Variants in NALF1 observed in about 807,000 individuals in gnomAD.
NALF1 encodes family with sequence similarity 155 member A.
In NALF1, 3 loss-of-function variants were observed where a neutral mutation model predicts 48.4. That is an observed-to-expected ratio of 0.06 (90% CI 0.03 to 0.16). The LOEUF is 0.16. NALF1 is among the 10% of genes least tolerant of loss of function. NALF1 has a pLI of 1.00. For synonymous variants in NALF1, 262 were observed against 245.7 expected (o/e 1.07, Z -0.62); for missense variants, 526 against 571.5 (o/e 0.92, Z 0.81).
At chr13:107,602,113 C>T (rs1051810952) in intron 1 of NALF1, among the ~76,000 whole-genome samples, 1 of 152,158 alleles carries the variant, frequency 6.6e-6, no homozygotes, top group African/African-American at 2.4e-5. Flanking sequence ...GCTTTTCAAT[C>T]AGAAGATCTA....
In NALF1 at chr13:107,178,555, C is replaced by T. The variant is rs570496186; in HGVS notation, c.1088-7769G>A. 4.3e-4 allele frequency among the ~76,000 whole-genome samples: 65 copies of T among 152,274 alleles called. No individual in the cohort carries two copies. In the South Asian group the frequency reaches 0.013, roughly 32 times the overall value. On this transcript the variant is annotated intron_variant, in intron 2 of 2. Transcript: ENST00000375915. The stretch of plus-strand genomic sequence containing the variant: ...CTTTTATCCAAAACACAGGCAATAA[C>T]AAATGCTGGTGAGGTTGTGGGGAAA...
At chr13:107,826,818 T>C (rs934166306) in intron 1 of NALF1, among the ~76,000 whole-genome samples, 13 of 152,202 alleles carry the variant, frequency 8.5e-5, no homozygotes, top group Admixed American at 7.2e-4. Context: ...CGAACTCTCT[T>C]AGCCTCAGTT....
At chr13:107,469,153 A>G (rs1181763523) in intron 1 of NALF1, among the ~76,000 whole-genome samples, 1 of 152,204 alleles carries the variant, frequency 6.6e-6, no homozygotes, top group Admixed American at 6.5e-5. Context: ...AAAATCAGTC[A>G]TAAAAAAAGG....
chr13:107,247,557 A>G (rs1399114630), intron 1 of NALF1, among the ~76,000 whole-genome samples: 3 of 152,226 alleles, frequency 2.0e-5, no homozygotes, highest in Non-Finnish European at 2.9e-5. Context: ...GAGCTTTCTC[A>G]AATAGGAGGG....
chr13:107,834,764 T>C (rs1392408684), intron 1 of NALF1, among the ~76,000 whole-genome samples: 2 of 152,244 alleles, frequency 1.3e-5, no homozygotes, highest in Admixed American at 6.5e-5. Flanking sequence ...GTATGCAATT[T>C]AATTTTGAAT....
intron 2 of NALF1, among the ~76,000 whole-genome samples, chr13:107,180,403 A>G (rs1879036860): frequency 6.6e-6 from 1 of 152,086 alleles, no homozygotes; most frequent in African/African-American, 2.4e-5. Context: ...AAAACATGGC[A>G]TTATTTAAGT....
At position 107,534,334 on chromosome 13, in the gene NALF1, G is replaced by T. The variant is rs188674269; in HGVS notation, c.916-323579C>A. On this transcript the variant is annotated intron_variant, in intron 1 of 2. Transcript: ENST00000375915. Reference sequence around the variant, plus strand: ...GCTAAAATATGTTTATATTTATTTTGATGCATATTAACATTTTCCTCTAAG... The same window carrying T: ...GCTAAAATATGTTTATATTTATTTTTATGCATATTAACATTTTCCTCTAAG... 3.7e-4 allele frequency among the ~76,000 whole-genome samples: 56 copies of T among 152,126 alleles called. 1 individual carries two copies. In the Middle Eastern group the frequency reaches 0.01, roughly 28 times the overall value.
At chr13:107,637,617 G>C (rs964636140) in intron 1 of NALF1, among the ~76,000 whole-genome samples, 1 of 152,102 alleles carries the variant, frequency 6.6e-6, no homozygotes, top group Non-Finnish European at 1.5e-5. Context: ...TGACTGCCAC[G>C]TGCTAGTGTG....
chr13:107,620,345 T>G (rs952142007), intron 1 of NALF1, among the ~76,000 whole-genome samples: 1 of 152,202 alleles, frequency 6.6e-6, no homozygotes, highest in African/African-American at 2.4e-5. Context: ...AGAGATAATC[T>G]ATGCAGAGAA....
chr13:107,436,877 A>G (rs1594062337), intron 1 of NALF1, among the ~76,000 whole-genome samples: 1 of 152,230 alleles, frequency 6.6e-6, no homozygotes, highest in Admixed American at 6.6e-5. Context: ...AAGGCCAGTA[A>G]GCAAAAATCT....
chr13:107,262,802 C>A (rs1358659721), intron 1 of NALF1, among the ~76,000 whole-genome samples: 1 of 150,618 alleles, frequency 6.6e-6, no homozygotes, highest in Non-Finnish European at 1.5e-5. Context: ...CTCTCTCATT[C>A]TTAAGCAACA....
intron 1 of NALF1, among the ~76,000 whole-genome samples, chr13:107,273,034 G>A (rs961354018): frequency 4.6e-5 from 7 of 152,128 alleles, no homozygotes; most frequent in African/African-American, 9.7e-5. Flanking sequence ...AGCAGAAGCC[G>A]GAAGGTCACT....
intron 1 of NALF1, among the ~76,000 whole-genome samples, chr13:107,765,454 T>C (rs1056935933): frequency 2.6e-5 from 4 of 152,316 alleles, no homozygotes; most frequent in African/African-American, 7.2e-5. Context: ...AGTAACAGCA[T>C]ATGGAAGTGC....
At chr13:107,378,149 C>A (rs1027001229) in intron 1 of NALF1, among the ~76,000 whole-genome samples, 11 of 152,230 alleles carry the variant, frequency 7.2e-5, no homozygotes, top group African/African-American at 2.6e-4. Flanking sequence ...CCTGAAAGCT[C>A]AGAGTTACAA....
At chr13:107,455,063 G>A (rs911471862) in intron 1 of NALF1, among the ~76,000 whole-genome samples, 2 of 152,144 alleles carry the variant, frequency 1.3e-5, no homozygotes, top group African/African-American at 4.8e-5. Flanking sequence ...CTGTTTTCAT[G>A]ATAGTCAGTG....
chr13:107,370,725 G>A (rs1332010019), intron 1 of NALF1, among the ~76,000 whole-genome samples: 1 of 152,050 alleles, frequency 6.6e-6, no homozygotes, highest in Admixed American at 6.6e-5. Flanking sequence ...AACTGAGACT[G>A]GATATTTTAT....
chr13:107,666,551 A>G (rs1443275703), intron 1 of NALF1, among the ~76,000 whole-genome samples: 1 of 152,136 alleles, frequency 6.6e-6, no homozygotes, highest in Non-Finnish European at 1.5e-5. Flanking sequence ...TTAATTTTTC[A>G]GCCAGAACTG....
At position 107,170,429 on chromosome 13, in the gene NALF1, T is replaced by A; in HGVS notation, c.*68A>T. On this transcript the variant is annotated 3_prime_UTR_variant, in exon 3 of 3. Transcript: ENST00000375915. ...GAGGGTAAAAGCACCCAGTTTCTGTTACATGAGACAGCAGTTGCCATTTTT... is the reference window on the plus strand; with the variant it reads ...GAGGGTAAAAGCACCCAGTTTCTGTAACATGAGACAGCAGTTGCCATTTTT... The A allele has an allele frequency of 6.7e-7, 1 of 1,496,174 alleles. No individual in the cohort carries two copies. The highest frequency in any genetic ancestry group is 1.4e-5 in the African/African-American group (1 of 72,598). 92.7% of individuals were successfully genotyped at this position (1,496,174 alleles called of 1,614,324 possible).
intron 1 of NALF1, among the ~76,000 whole-genome samples, chr13:107,553,544 T>C (rs1483038151): frequency 2.0e-5 from 3 of 152,246 alleles, no homozygotes; most frequent in Admixed American, 1.3e-4. Flanking sequence ...TGATTTACTA[T>C]AGATTTTTAT....
Sources: gnomAD v4.1 joint callset for allele counts (sites outside exome capture counted in the v4.1 genomes callset) on GRCh38, gnomAD v4.1.1 for gene constraint, MANE v1.5 for transcripts, NCBI Gene and HGNC (gene_info 2026-07-23, HGNC 2026-07-21) for gene names.